ECHS1: variants seen among roughly 807,000 people sequenced by gnomAD.
ECHS1 encodes the protein enoyl-CoA hydratase, short chain 1.
A neutral mutation model predicts 33.5 loss-of-function variants in ECHS1; 19 were observed. The ratio of observed to expected loss-of-function variants is 0.57; its 90% CI spans 0.40 to 0.83. The LOEUF (loss-of-function observed/expected upper bound fraction) is 0.83, where lower values mean the gene tolerates loss of function less well. Ranked by LOEUF, ECHS1 falls within the 40% of genes least tolerant of loss-of-function variation. The pLI is 0.00. For missense variants in ECHS1, 365 were observed against 381.3 expected (o/e 0.96, Z 0.36); for synonymous variants, 158 against 146.6 (o/e 1.08, Z -0.56).
At position 133,362,786 on chromosome 10, in the gene ECHS1, G is replaced by A; in HGVS notation, c.*82C>T. On this transcript the variant is annotated 3_prime_UTR_variant, in exon 8 of 8. Coordinates refer to ENST00000368547, the MANE Select transcript of ECHS1 (RefSeq NM_004092.4). ...ACACCACGGACACTGCTCTTGAAAA[G>A]AGGATGATTTACTTGCTTCTAAAAC... 6.8e-7 allele frequency: 1 copy of A among 1,478,732 alleles called. No individual in the cohort carries two copies. The highest frequency in any genetic ancestry group is 1.1e-5 in the South Asian group (1 of 88,350). 91.6% of individuals were successfully genotyped at this position (1,478,732 alleles called of 1,614,324 possible).
In ECHS1 at chr10:133,370,578, C is replaced by T. The variant is rs1085307550; in HGVS notation, c.268G>A (p.Gly90Arg). 21 of 1,597,426 alleles carry T rather than the reference C, an allele frequency of 1.3e-5. No homozygotes were observed. The Admixed American group carries it at 2.1e-4, about 16-fold the overall frequency. The stretch of plus-strand genomic sequence containing the variant: ...CGCGTACCTGCAAAGGCCTTATCCC[C>T]GCCGGTGAGGACAATGGCCCCCACG... ...PAVGAIVLTG[G>R]DKAFAAGADI... is the part of the protein sequence containing the mutation. Residue 90 changes from glycine (G) to arginine (R), a missense_variant, in exon 2 of 8, where the codon GGG becomes AGG. Coordinates refer to ENST00000368547, the MANE Select transcript of ECHS1 (RefSeq NM_004092.4).
At chr10:133,365,923 T>G in intron 6 of ECHS1, 53 bp downstream of exon 6, 2 of 1,603,370 alleles carry the variant, frequency 1.2e-6, no homozygotes, top group South Asian at 2.2e-5. Context: ...TGCTGAGGAA[T>G]GCTCCTGACA....
intron 1 of ECHS1, among the ~76,000 whole-genome samples, chr10:133,371,209 G>T (rs1164757611): frequency 5.9e-5 from 9 of 152,074 alleles, no homozygotes. Context: ...CCCAGGAGGT[G>T]GAGCTTGCAG....
chr10:133,366,526 A>G (rs574731905), intron 5 of ECHS1, among the ~76,000 whole-genome samples: 2 of 152,280 alleles, frequency 1.3e-5, no homozygotes, highest in Non-Finnish European at 2.9e-5. Flanking sequence ...AAAGGCAGTC[A>G]GTCTTCTCCC....
At chr10:133,372,359 C>A (rs1407905981) in intron 1 of ECHS1, among the ~76,000 whole-genome samples, 1 of 152,162 alleles carries the variant, frequency 6.6e-6, no homozygotes, top group East Asian at 1.9e-4. Context: ...ATGAGTGGGG[C>A]CCCGGGTGAG....
At position 133,373,340 on chromosome 10, in the gene ECHS1, C is replaced by G; in HGVS notation, c.-7G>C. On this transcript the variant is annotated 5_prime_UTR_variant, in exon 1 of 8. Coordinates refer to ENST00000368547, the MANE Select transcript of ECHS1 (RefSeq NM_004092.4). Reference sequence around the variant, plus strand: ...GGACACGCAGGGCGGCCATGGCTCTCTGGACTCCTCGCCCGGCCCCGCGGA... The same window carrying G: ...GGACACGCAGGGCGGCCATGGCTCTGTGGACTCCTCGCCCGGCCCCGCGGA... 6.7e-7 allele frequency: 1 copy of G among 1,497,388 alleles called. No individual in the cohort carries two copies. Among genetic ancestry groups the G allele is most frequent in the Non-Finnish European group, 8.9e-7 (1 of 1,129,920 alleles). 92.8% of individuals were successfully genotyped at this position (1,497,388 alleles called of 1,614,324 possible).
intron 4 of ECHS1, among the ~76,000 whole-genome samples, chr10:133,367,262 A>G (rs1420811721): frequency 6.6e-6 from 1 of 152,228 alleles, no homozygotes; most frequent in African/African-American, 2.4e-5. Context: ...TCGGTATAAT[A>G]AAGAAAATAG....
chr10:133,367,373 C>T (rs939677739), intron 4 of ECHS1, among the ~76,000 whole-genome samples: 1 of 151,338 alleles, frequency 6.6e-6, no homozygotes, highest in Admixed American at 6.6e-5. Flanking sequence ...CTTAATATTA[C>T]TCTTTGTTGT....
rs60958182 is a variant in ECHS1 at position 133,367,058 on chromosome 10, T to C, written c.515-65A>G. On this transcript the variant is annotated intron_variant, in intron 4 of 7. Coordinates refer to ENST00000368547, the MANE Select transcript of ECHS1 (RefSeq NM_004092.4). ...TGAACCCAAGAAGACATCACAGCTG[T>C]GCAGCCAGCAAATTCCAAGGGGCTT... 6.7e-3 allele frequency: 9,163 copies of C among 1,361,524 alleles called. 461 individuals carry two copies. In the African/African-American group the frequency reaches 0.11, roughly 17 times the overall value. 84.3% of individuals were successfully genotyped at this position (1,361,524 alleles called of 1,614,324 possible).
rs375069712 is a variant in ECHS1, at chr10:133,367,111, G to A, written c.515-118C>T. 10 of 770,414 alleles carry A rather than the reference G, an allele frequency of 1.3e-5. No individual in the cohort carries two copies. In the African/African-American group the frequency reaches 1.4e-4, roughly 11 times the overall value. 47.7% of individuals were successfully genotyped at this position (770,414 alleles called of 1,614,324 possible). On this transcript the variant is annotated intron_variant, in intron 4 of 7. Transcript: ENST00000368547. ...GATAGGCCCTGAGACTAGGTCCAGGGGTCAGAGGCCAGGCAGCACAAGAGC... is the reference window on the plus strand; with the variant it reads ...GATAGGCCCTGAGACTAGGTCCAGGAGTCAGAGGCCAGGCAGCACAAGAGC...
chr10:133,366,005 A>C lies in ECHS1; in HGVS notation c.710T>G (p.Val237Gly). 1 of 1,613,998 alleles carries C rather than the reference A, an allele frequency of 6.2e-7. No individual in the cohort carries two copies. The highest frequency in any genetic ancestry group is 8.5e-7 in the Non-Finnish European group (1 of 1,180,020). ...EKIASNSKIV[V>G]AMAKESVNAA... ...ATTCACTGATTCTTTGGCCATCGCTACTACAATTTTAGAATTGCTGGCAAT... is the reference window on the plus strand; with the variant it reads ...ATTCACTGATTCTTTGGCCATCGCTCCTACAATTTTAGAATTGCTGGCAAT... The change falls in exon 6 of 8, where the codon GTA becomes GGA. Residue 237 changes from valine (V) to glycine (G), a missense_variant. Coordinates refer to ENST00000368547, the MANE Select transcript of ECHS1 (RefSeq NM_004092.4).
chr10:133,372,413 G>A (rs11101717), intron 1 of ECHS1, among the ~76,000 whole-genome samples: 19,013 of 152,258 alleles, frequency 0.12, 2,166 homozygotes, highest in African/African-American at 0.31. Flanking sequence ...TGGGGAGGAG[G>A]TGTCAGCTTT....
chr10:133,364,342 C>T (rs769777527), intron 7 of ECHS1, among the ~76,000 whole-genome samples: 15 of 152,060 alleles, frequency 9.9e-5, no homozygotes, highest in African/African-American at 2.9e-4. Flanking sequence ...GCTGGGGCTA[C>T]GGATGCTCGA....
At position 133,365,034 on chromosome 10, in the gene ECHS1, C is replaced by T. The variant is rs140289359; in HGVS notation, c.740-309G>A. 5.3e-5 allele frequency among the ~76,000 whole-genome samples: 8 copies of T among 152,270 alleles called. No homozygotes were observed. In the South Asian group the frequency reaches 8.3e-4, roughly 16 times the overall value. On this transcript the variant is annotated intron_variant, in intron 6 of 7. Transcript: ENST00000368547. ...TTGAGGAGAGGCTGTGAGGCGGCAA[C>T]GGGGCTGCAAACAGAGAAAAATAAC...
At chr10:133,363,109 C>T (rs942196372) in intron 7 of ECHS1, among the ~76,000 whole-genome samples, 176 bp from the exon 8 acceptor site, 9 of 152,182 alleles carry the variant, frequency 5.9e-5, no homozygotes, top group Admixed American at 2.6e-4. Context: ...GGCCTGGGCG[C>T]GGGGATTTTC....
intron 7 of ECHS1, 56 bp downstream of exon 7, chr10:133,364,602 A>G: frequency 7.3e-7 from 1 of 1,373,806 alleles, no homozygotes; most frequent in Non-Finnish European, 1.0e-6. Context: ...GGAAATTCCC[A>G]GCAACTTGTG....
At position 133,373,326 on chromosome 10, in the gene ECHS1, G is replaced by T. The variant is rs372408822; in HGVS notation, c.8C>A (p.Ala3Asp). 6.0e-6 allele frequency: 9 copies of T among 1,502,876 alleles called. No homozygotes were observed. The highest frequency in any genetic ancestry group is 1.2e-5 in the South Asian group (1 of 81,586). The allele number at this position is 1,502,876 out of a possible 1,614,324, so 93.1% of individuals were successfully genotyped here. Residue 3 changes from alanine to aspartate, a missense_variant, in exon 1 of 8, where the codon GCC becomes GAC. Transcript: ENST00000368547. ...GACGCAGGACAGCAGGACACGCAGG[G>T]CGGCCATGGCTCTCTGGACTCCTCG... MA[A>D]LRVLLSCVRG...
chr10:133,364,582 A>G (rs1849005223), intron 7 of ECHS1, 76 bp downstream of exon 7: 2 of 1,178,268 alleles, frequency 1.7e-6, no homozygotes, highest in Middle Eastern at 3.9e-4. Flanking sequence ...CTTAATGATA[A>G]AATTTAAAAG....
intron 5 of ECHS1, 35 bp from the exon 6 acceptor site, chr10:133,366,130 A>C (rs758504744): frequency 3.1e-6 from 5 of 1,607,600 alleles, no homozygotes; most frequent in Middle Eastern, 1.6e-4. Context: ...TGATGTGCAG[A>C]AACAGCACTT....
Sources: allele counts gnomAD v4.1 joint callset (sites outside exome capture counted in the v4.1 genomes callset), GRCh38; gene constraint gnomAD v4.1.1; transcripts MANE v1.5; gene names NCBI Gene and HGNC (gene_info 2026-07-23, HGNC 2026-07-21).